The following CHD2 variants were observed in gnomAD, a reference collection of about 807,000 sequenced individuals.
CHD2 encodes the protein chromodomain helicase DNA binding protein 2.
A neutral mutation model predicts 243.9 loss-of-function variants in CHD2; 28 were observed. The observed-to-expected ratio is 0.11, with a 90% CI of 0.09 to 0.16. The LOEUF (loss-of-function observed/expected upper bound fraction) is 0.16, where lower values mean the gene tolerates loss of function less well. Ranked by LOEUF, CHD2 falls within the 10% of genes least tolerant of loss-of-function variation. The pLI is 1.00. For synonymous variants in CHD2, 775 were observed against 779.0 expected, an observed-to-expected ratio of 0.99 and a Z score of 0.09; for missense variants, 1,386 against 2,209.8, an observed-to-expected ratio of 0.63 and a Z score of 7.47.
chr15:92,916,214 G>C (rs974927360), intron 2 of CHD2, among the ~76,000 whole-genome samples: 2 of 146,518 alleles, frequency 1.4e-5, no homozygotes, highest in Non-Finnish European at 3.0e-5. Context: ...AAACCAAGCT[G>C]TGCCCCATCA....
At chr15:92,925,546 A>G (rs951748512) in intron 3 of CHD2, among the ~76,000 whole-genome samples, 4 of 152,214 alleles carry the variant, frequency 2.6e-5, no homozygotes, top group Non-Finnish European at 5.9e-5. Flanking sequence ...TTGCCCTCCC[A>G]GTTAATAAGG....
chr15:92,925,930 A>G (rs2053051803), intron 3 of CHD2, among the ~76,000 whole-genome samples: 1 of 152,054 alleles, frequency 6.6e-6, no homozygotes, highest in Admixed American at 6.6e-5. Flanking sequence ...TGTTGTTGTT[A>G]AAGTCATTGT....
chr15:92,952,980 G>A (rs2053573914), intron 13 of CHD2, among the ~76,000 whole-genome samples: 1 of 152,240 alleles, frequency 6.6e-6, no homozygotes, highest in Non-Finnish European at 1.5e-5. Context: ...TTCACCAGCG[G>A]TGCTGATAGC....
At chr15:92,940,827 TATA>T (rs2053353968) in intron 7 of CHD2, among the ~76,000 whole-genome samples, 1 of 136,108 alleles carries the variant, frequency 7.3e-6, no homozygotes, top group Non-Finnish European at 1.6e-5. Flanking sequence ...ATATAAATAT[TATA>T]AATATATAAA....
intron 34 of CHD2, 90 bp from the exon 35 acceptor site, chr15:93,009,055 G>C (rs1421270086): frequency 1.5e-6 from 2 of 1,369,540 alleles, no homozygotes; most frequent in African/African-American, 2.9e-5. Context: ...CATAGGGGTG[G>C]GCTGTGTTTT....
Position 92,952,424 on chromosome 15 carries a change from C to G in CHD2, c.1503-933C>G, listed in dbSNP as rs866992060. ...TACATTATACTATATAATGTAGAAT[C>G]AGTGGGAGCCCTGAGTTTGTTTTTC... On this transcript the variant is annotated intron_variant, in intron 13 of 38. Transcript: ENST00000394196. Among the ~76,000 whole-genome samples the G allele has an allele frequency of 2.6e-5, 4 of 152,110 alleles. No individual in the cohort carries two copies. In the South Asian group the frequency reaches 8.3e-4, roughly 32 times the overall value.
At chr15:92,926,157 G>C (rs1476200398) in intron 3 of CHD2, among the ~76,000 whole-genome samples, 5 of 152,128 alleles carry the variant, frequency 3.3e-5, no homozygotes, top group African/African-American at 1.2e-4. Context: ...TTTTGTTGTA[G>C]AGACAGGATC....
chr15:92,984,877 T>C (rs1261982341), intron 25 of CHD2, among the ~76,000 whole-genome samples: 1 of 152,228 alleles, frequency 6.6e-6, no homozygotes, highest in Non-Finnish European at 1.5e-5. Flanking sequence ...ATATAAATAC[T>C]TAGTAAAGGA....
intron 2 of CHD2, among the ~76,000 whole-genome samples, chr15:92,906,662 ATCT>A (rs780751526): frequency 9.7e-6 from 1 of 103,272 alleles, no homozygotes. Flanking sequence ...GCTATGAGCC[ATCT>A]TTTTTTTTTT....
At chr15:92,958,151 AGTTTAT>A (rs1192731190) in intron 16 of CHD2, among the ~76,000 whole-genome samples, 1 of 152,190 alleles carries the variant, frequency 6.6e-6, no homozygotes, top group African/African-American at 2.4e-5. Flanking sequence ...TTGTTTGGAA[AGTTTAT>A]GTTTAACATT....
At chr15:92,918,613 A>G (rs1042210246) in intron 2 of CHD2, among the ~76,000 whole-genome samples, 4 of 152,256 alleles carry the variant, frequency 2.6e-5, no homozygotes, top group African/African-American at 4.8e-5. Context: ...GACCCTTTCT[A>G]TTAGTCTTGT....
chr15:92,922,773 GTTTGAGGTCT>G (rs1380733101), intron 2 of CHD2, among the ~76,000 whole-genome samples: 1 of 152,150 alleles, frequency 6.6e-6, no homozygotes, highest in Non-Finnish European at 1.5e-5. Flanking sequence ...GAGTCCATCC[GTTTGAGGTCT>G]TTTTGCTTCA....
chr15:92,966,376 A>G (rs1410596546), intron 16 of CHD2, among the ~76,000 whole-genome samples: 7 of 151,818 alleles, frequency 4.6e-5, no homozygotes, highest in Admixed American at 1.3e-4. Context: ...AGATAGTTCA[A>G]TTTTCATTGT....
intron 6 of CHD2, 38 bp from the exon 7 acceptor site, chr15:92,939,540 A>G (rs749165362): frequency 6.3e-7 from 1 of 1,599,696 alleles, no homozygotes; most frequent in East Asian, 2.2e-5. Flanking sequence ...CAAATGATAA[A>G]GTGAAGACTT....
chr15:92,969,134 C>T (rs1393800262), intron 17 of CHD2, among the ~76,000 whole-genome samples: 1 of 152,186 alleles, frequency 6.6e-6, no homozygotes, highest in African/African-American at 2.4e-5. Context: ...GTCAGTTGGT[C>T]AGTGCTATTT....
At chr15:92,947,493 C>G (rs943585329) in intron 12 of CHD2, 3 of 152,274 alleles carry the variant, frequency 2.0e-5, no homozygotes, top group African/African-American at 7.2e-5. Flanking sequence ...TTGGCTACCT[C>G]GAAGGGTATT....
intron 37 of CHD2, among the ~76,000 whole-genome samples, chr15:93,019,193 C>T (rs559972883): frequency 7.2e-5 from 11 of 152,234 alleles, no homozygotes; most frequent in South Asian, 2.1e-4. Flanking sequence ...ATAATAGAAT[C>T]GGTGAGTGTA....
At chr15:92,904,617 C>G in intron 2 of CHD2, 2 of 1,173,094 alleles carry the variant, frequency 1.7e-6, no homozygotes, top group Non-Finnish European at 2.1e-6. Flanking sequence ...GTTCTTTTGC[C>G]CATTTCCGGG....
At position 92,900,515 on chromosome 15, in the gene CHD2, G is replaced by A; in HGVS notation, c.-381G>A. 2.5e-6 allele frequency: 1 copy of A among 398,742 alleles called. No individual in the cohort carries two copies. Among genetic ancestry groups the A allele is most frequent in the Non-Finnish European group, 4.4e-6 (1 of 226,032 alleles). 24.7% of individuals were successfully genotyped at this position (398,742 alleles called of 1,614,324 possible). ...TTTTTTGGGAGAAAAGCAGCTTTTA[G>A]GAGCTTTCTTTTCGTGCCTTGTTGG... On this transcript the variant is annotated 5_prime_UTR_variant, in exon 1 of 39. Transcript: ENST00000394196.
Sources: allele counts gnomAD v4.1 joint callset (sites outside exome capture counted in the v4.1 genomes callset), GRCh38; gene constraint gnomAD v4.1.1; transcripts MANE v1.5; gene names NCBI Gene and HGNC (gene_info 2026-07-23, HGNC 2026-07-21).